Variants in NCBP2L observed in about 807,000 individuals in gnomAD.
NCBP2L encodes nuclear cap-binding protein subunit 2-like.
For missense variants in NCBP2L, 95 were observed against 53.1 expected (o/e 1.79, Z -2.45); for synonymous variants, 39 against 19.2 (o/e 2.04, Z -2.70).
intron 1 of NCBP2L, among the ~76,000 whole-genome samples, chrX:107,778,157 C>A (rs1279206501): frequency 9.0e-6 from 1 of 111,214 alleles, no homozygotes; most frequent in Admixed American, 9.6e-5. Context: ...ATAATTATTT[C>A]ATGTTAAACG....
At chrX:107,782,352 A>T (rs7889121) in intron 1 of NCBP2L, among the ~76,000 whole-genome samples, 4 of 37,355 alleles carry the variant, frequency 1.1e-4, no homozygotes, top group Non-Finnish European at 1.4e-4. Flanking sequence ...TATATATATA[A>T]ATATATATAT....
At chrX:107,781,711 G>GAT (rs1930284540) in intron 1 of NCBP2L, among the ~76,000 whole-genome samples, 1 of 54,873 alleles carries the variant, frequency 1.8e-5, no homozygotes, top group African/African-American at 1.1e-4. Flanking sequence ...TATATATATA[G>GAT]ATCTATAGAT....
chrX:107,781,624 T>G lies in NCBP2L; in HGVS notation c.-73+3766T>G, dbSNP rs7059880. On this transcript the variant is annotated intron_variant, in intron 1 of 1. Transcript: ENST00000509000. The stretch of plus-strand genomic sequence containing the variant: ...CACCACACCCAGCCTGGGATCCATC[T>G]ATCATTCTATCTATCTATCTATCTA... Among the ~76,000 whole-genome samples the G allele has an allele frequency of 7.5e-3, 718 of 96,168 alleles. 8 individuals are homozygous for G. The highest frequency in any genetic ancestry group is 0.028 in the African/African-American group (680 of 24,726). The allele number at this position is 96,168 out of a possible 115,157, so 83.5% of individuals were successfully genotyped here.
intron 1 of NCBP2L, among the ~76,000 whole-genome samples, chrX:107,785,444 C>T (rs898726786): frequency 9.0e-6 from 1 of 111,636 alleles, no homozygotes. Context: ...TGTTGCAAAG[C>T]TTCATGGATA....
Position 107,781,676 on chromosome X carries a change from A to ATCTCTCTCTC in NCBP2L, c.-73+3826_-73+3835dup, listed in dbSNP as rs1252852252. On this transcript the variant is annotated intron_variant, in intron 1 of 1. Transcript: ENST00000509000. Reference sequence around the variant, plus strand: ...CATCTATCTATCTATCTATCTATCTATCTCTCTCTCTCTCTCTATATATAT... The same window carrying ATCTCTCTCTC: ...CATCTATCTATCTATCTATCTATCTATCTCTCTCTCTCTCTCTCTCTCTCTCTATATATAT... 1.3e-4 allele frequency among the ~76,000 whole-genome samples: 7 copies of ATCTCTCTCTC among 55,883 alleles called. 1 individual carries two copies. Among genetic ancestry groups the ATCTCTCTCTC allele is most frequent in the African/African-American group, 6.8e-4 (6 of 8,821 alleles). 48.5% of individuals were successfully genotyped at this position (55,883 alleles called of 115,157 possible).
chrX:107,780,115 G>A (rs1407706731), intron 1 of NCBP2L, among the ~76,000 whole-genome samples: 1 of 111,174 alleles, frequency 9.0e-6, no homozygotes, highest in Non-Finnish European at 1.9e-5. Flanking sequence ...CCAGCACTTT[G>A]AGAGGCCGGG....
At chrX:107,790,771 T>C (rs1459497834) in intron 1 of NCBP2L, among the ~76,000 whole-genome samples, 1 of 111,768 alleles carries the variant, frequency 8.9e-6, no homozygotes, top group Admixed American at 9.5e-5. Flanking sequence ...TTTCCACCTA[T>C]TTGTACATTC....
chrX:107,794,273 G>T lies in NCBP2L; in HGVS notation c.53G>T (p.Cys18Phe), dbSNP rs1266303446. 8.8e-6 allele frequency: 5 copies of T among 565,701 alleles called. No homozygotes were observed. Among genetic ancestry groups the T allele is most frequent in the African/African-American group, 2.2e-5 (1 of 44,556 alleles). 46.6% of individuals were successfully genotyped at this position (565,701 alleles called of 1,213,427 possible). ...LCKDPALELS[C>F]YRDHQFSGRK... ...AAAGACCCTGCTTTGGAGCTGAGCT[G>T]CTACCGGGACCATCAGTTCAGTGGC... The change falls in exon 2 of 2, where the codon TGC (cysteine) becomes TTC (phenylalanine). Residue 18 changes from cysteine (C) to phenylalanine (F), a missense_variant. By Grantham distance (205) the Cys-to-Phe change is radical. Coordinates refer to ENST00000509000, the MANE Select transcript of NCBP2L (RefSeq NM_001348372.2).
chrX:107,778,340 T>A (rs1011144479), intron 1 of NCBP2L, among the ~76,000 whole-genome samples: 7 of 112,263 alleles, frequency 6.2e-5, no homozygotes, highest in African/African-American at 2.3e-4. Context: ...AACTCAAGAT[T>A]CTGTCCCCTT....
At chrX:107,793,635 T>A (rs757685597) in intron 1 of NCBP2L, among the ~76,000 whole-genome samples, 1 of 112,312 alleles carries the variant, frequency 8.9e-6, no homozygotes, top group Non-Finnish European at 1.9e-5. Flanking sequence ...GTGCTACTTG[T>A]ATATTTGATG....
At chrX:107,784,411 G>C (rs1930368654) in intron 1 of NCBP2L, among the ~76,000 whole-genome samples, 1 of 109,787 alleles carries the variant, frequency 9.1e-6, no homozygotes, top group Non-Finnish European at 1.9e-5. Flanking sequence ...TGATCTTTTG[G>C]GTCATTCAAC....
intron 1 of NCBP2L, among the ~76,000 whole-genome samples, chrX:107,782,179 AT>A (rs1166459290): frequency 6.7e-5 from 2 of 29,910 alleles, no homozygotes; most frequent in African/African-American, 1.9e-4. Flanking sequence ...ATATATATAT[AT>A]AAATATATAT....
At chrX:107,784,742 G>A (rs780672579) in intron 1 of NCBP2L, among the ~76,000 whole-genome samples, 24 of 103,907 alleles carry the variant, frequency 2.3e-4, no homozygotes, top group Non-Finnish European at 1.6e-4. Context: ...AAGCTGAGGC[G>A]GGTGGATCAC....
At chrX:107,783,197 C>T (rs904889962) in intron 1 of NCBP2L, among the ~76,000 whole-genome samples, 1 of 107,867 alleles carries the variant, frequency 9.3e-6, no homozygotes, top group East Asian at 2.9e-4. Context: ...AAGCTGTCCT[C>T]GAGGGCCAGG....
chrX:107,782,338 AAT>A lies in NCBP2L; in HGVS notation c.-73+4492_-73+4493del, dbSNP rs1382605893. On this transcript the variant is annotated intron_variant, in intron 1 of 1. Coordinates refer to ENST00000509000, the MANE Select transcript of NCBP2L (RefSeq NM_001348372.2). Reference sequence around the variant, plus strand: ...ATATATATATATAAATATATATATAAATATATATATATAAATATATATATATA... The same window carrying A: ...ATATATATATATAAATATATATATAAATATATATATAAATATATATATATA... 2.3e-3 allele frequency among the ~76,000 whole-genome samples: 80 copies of A among 34,790 alleles called. 1 individual carries two copies. The highest frequency in any genetic ancestry group is 3.6e-3 in the Admixed American group (7 of 1,927). The allele number at this position is 34,790 out of a possible 115,157, so 30.2% of individuals were successfully genotyped here. A position where few individuals can be genotyped will look rare whatever the true frequency, so the allele number is the denominator to read the frequency against.
chrX:107,782,512 A>G (rs961868738), intron 1 of NCBP2L, among the ~76,000 whole-genome samples: 2 of 98,734 alleles, frequency 2.0e-5, no homozygotes, highest in Admixed American at 1.2e-4. Flanking sequence ...TCAAGTGAAC[A>G]ATACAGTATT....
intron 1 of NCBP2L, among the ~76,000 whole-genome samples, chrX:107,792,757 G>C (rs1282093243): frequency 9.0e-6 from 1 of 111,556 alleles, no homozygotes; most frequent in Non-Finnish European, 1.9e-5. Context: ...TTCTCCAGAA[G>C]CCTTCTCTGT....
chrX:107,782,185 A>G (rs1325899507), intron 1 of NCBP2L, among the ~76,000 whole-genome samples: 1 of 27,751 alleles, frequency 3.6e-5, no homozygotes, highest in Admixed American at 7.0e-4. Context: ...ATATATAAAT[A>G]TATATATATA....
intron 1 of NCBP2L, among the ~76,000 whole-genome samples, chrX:107,787,237 CA>C (rs760628909): frequency 9.0e-6 from 1 of 111,658 alleles, no homozygotes; most frequent in African/African-American, 3.2e-5. Context: ...AAATGATAAA[CA>C]AAAAAATTCA....
Sources: gnomAD v4.1 joint callset for allele counts (sites outside exome capture counted in the v4.1 genomes callset) on GRCh38, gnomAD v4.1.1 for gene constraint, MANE v1.5 for transcripts, NCBI Gene and HGNC (gene_info 2026-07-23, HGNC 2026-07-21) for gene names.